Variants in FSTL5 observed in about 807,000 individuals in gnomAD.
FSTL5 encodes follistatin-related protein 5.
A neutral mutation model predicts 89.1 loss-of-function variants in FSTL5; 62 were observed. The ratio of observed to expected loss-of-function variants is 0.70; its 90% CI spans 0.57 to 0.86. The LOEUF (loss-of-function observed/expected upper bound fraction) is 0.86, where lower values mean the gene tolerates loss of function less well. FSTL5 is among the 40% of genes least tolerant of loss of function. The pLI, the probability that FSTL5 is intolerant of heterozygous loss-of-function variation, is 0.00. For synonymous variants in FSTL5, 383 were observed against 346.2 expected (o/e 1.11, Z -1.18); for missense variants, 1,057 against 1,001.6 (o/e 1.06, Z -0.75).
chr4:162,140,422 GA>G (rs1561041056), intron 1 of FSTL5, among the ~76,000 whole-genome samples: 1 of 145,896 alleles, frequency 6.9e-6, no homozygotes, highest in East Asian at 2.0e-4. Flanking sequence ...TTTAACTATT[GA>G]ATCTTTACAA....
chr4:161,465,369 A>G (rs939982566), intron 13 of FSTL5, among the ~76,000 whole-genome samples: 6 of 152,178 alleles, frequency 3.9e-5, no homozygotes, highest in South Asian at 4.1e-4. Flanking sequence ...TTATTCAGGA[A>G]TATATAATTA....
At chr4:161,906,495 A>G (rs1345465850) in intron 4 of FSTL5, among the ~76,000 whole-genome samples, 1 of 152,136 alleles carries the variant, frequency 6.6e-6, no homozygotes, top group Non-Finnish European at 1.5e-5. Flanking sequence ...AGGAGTCAGT[A>G]GATTTGGCTA....
chr4:161,966,383 T>G (rs1014742274), intron 3 of FSTL5, among the ~76,000 whole-genome samples: 1 of 152,084 alleles, frequency 6.6e-6, no homozygotes, highest in Non-Finnish European at 1.5e-5. Flanking sequence ...GTGAGACATT[T>G]TCATGGACAC....
At chr4:161,482,212 AG>A (rs1729534097) in intron 12 of FSTL5, among the ~76,000 whole-genome samples, 1 of 152,142 alleles carries the variant, frequency 6.6e-6, no homozygotes, top group Non-Finnish European at 1.5e-5. Context: ...GTTACTTGGG[AG>A]GCCGAGGCAG....
At chr4:161,610,805 G>A (rs1734606371) in intron 7 of FSTL5, among the ~76,000 whole-genome samples, 1 of 151,860 alleles carries the variant, frequency 6.6e-6, no homozygotes, top group Non-Finnish European at 1.5e-5. Flanking sequence ...TTTGGTTGTA[G>A]ATGAAGTTTT....
At chr4:161,883,072 T>G (rs1349357358) in intron 4 of FSTL5, among the ~76,000 whole-genome samples, 1 of 152,198 alleles carries the variant, frequency 6.6e-6, no homozygotes, top group Non-Finnish European at 1.5e-5. Flanking sequence ...AAGATATGTT[T>G]AGGATGTTTG....
chr4:161,682,377 A>T (rs1414849606), intron 6 of FSTL5, among the ~76,000 whole-genome samples: 1 of 152,208 alleles, frequency 6.6e-6, no homozygotes, highest in Non-Finnish European at 1.5e-5. Flanking sequence ...GAACTTTTAA[A>T]TTTTTTAAAA....
intron 3 of FSTL5, among the ~76,000 whole-genome samples, chr4:161,987,911 C>A (rs1471204323): frequency 6.6e-6 from 1 of 151,626 alleles, no homozygotes; most frequent in African/African-American, 2.4e-5. Flanking sequence ...TAGGTTTTAT[C>A]TTAGTCCAAC....
Position 161,970,390 on chromosome 4 carries a change from C to T in FSTL5, c.161-49738G>A, listed in dbSNP as rs547139684. On this transcript the variant is annotated intron_variant, in intron 3 of 15. Coordinates refer to ENST00000306100, the MANE Select transcript of FSTL5 (RefSeq NM_020116.5). ...TTGATTCTGAATATCAGTAAGAGTTCAGGTCTAGGATGAAAAGAGCTATGG... is the reference window on the plus strand; with the variant it reads ...TTGATTCTGAATATCAGTAAGAGTTTAGGTCTAGGATGAAAAGAGCTATGG... Among the ~76,000 whole-genome samples the T allele has an allele frequency of 3.9e-5, 6 of 152,088 alleles. No individual in the cohort carries two copies. In the South Asian group the frequency reaches 1.2e-3, roughly 32 times the overall value.
intron 15 of FSTL5, among the ~76,000 whole-genome samples, chr4:161,398,959 T>C: frequency 6.6e-6 from 1 of 152,066 alleles, no homozygotes; most frequent in East Asian, 1.9e-4. Context: ...AAATGACAAA[T>C]GATATAGCCA....
chr4:161,740,338 C>T (rs1334817327), intron 6 of FSTL5, among the ~76,000 whole-genome samples: 2 of 151,784 alleles, frequency 1.3e-5, no homozygotes, highest in African/African-American at 4.9e-5. Flanking sequence ...TATAGTATCG[C>T]TTTTAGTATT....
At chr4:161,933,024 T>C (rs954202195) in intron 3 of FSTL5, among the ~76,000 whole-genome samples, 2 of 152,140 alleles carry the variant, frequency 1.3e-5, no homozygotes, top group Non-Finnish European at 1.5e-5. Context: ...AGTTTGCGTA[T>C]GATAATCTTC....
intron 2 of FSTL5, among the ~76,000 whole-genome samples, chr4:162,095,837 G>A (rs1730728297): frequency 6.6e-6 from 1 of 151,942 alleles, no homozygotes; most frequent in Non-Finnish European, 1.5e-5. Flanking sequence ...CGGTAGAAAT[G>A]TGTGTACTTA....
intron 8 of FSTL5, among the ~76,000 whole-genome samples, chr4:161,574,461 G>A (rs571119076): frequency 2.0e-5 from 3 of 151,376 alleles, no homozygotes; most frequent in Non-Finnish European, 4.4e-5. Context: ...CCATAATCTA[G>A]GTTTTAAGCC....
intron 8 of FSTL5, among the ~76,000 whole-genome samples, chr4:161,580,226 G>C (rs1454804829): frequency 6.6e-5 from 10 of 152,160 alleles, no homozygotes; most frequent in African/African-American, 2.4e-4. Context: ...ACAGTATATA[G>C]AGGGAATTTT....
chr4:161,617,064 A>T (rs1301779665), intron 7 of FSTL5, among the ~76,000 whole-genome samples: 3 of 151,918 alleles, frequency 2.0e-5, no homozygotes, highest in Non-Finnish European at 2.9e-5. Flanking sequence ...CCTTAAATAA[A>T]GTATTACAAA....
At chr4:161,973,158 G>A (rs911936497) in intron 3 of FSTL5, among the ~76,000 whole-genome samples, 1 of 152,052 alleles carries the variant, frequency 6.6e-6, no homozygotes, top group Non-Finnish European at 1.5e-5. Flanking sequence ...TCAGTATTTG[G>A]TGAAGTGTTT....
In FSTL5 at chr4:161,996,738, A is replaced by G. The variant is rs191955796; in HGVS notation, c.160+36887T>C. On this transcript the variant is annotated intron_variant, in intron 3 of 15. Coordinates refer to ENST00000306100, the MANE Select transcript of FSTL5 (RefSeq NM_020116.5). ...AGTGGACTGTTTGATAAGTCTCCCA[A>G]CTTTATTTGCTTCCAACAGTTATTG... 1.1e-4 allele frequency among the ~76,000 whole-genome samples: 16 copies of G among 152,120 alleles called. No individual in the cohort carries two copies. In the East Asian group the frequency reaches 3.1e-3, roughly 29 times the overall value.
intron 4 of FSTL5, among the ~76,000 whole-genome samples, chr4:161,842,624 T>C (rs1463433341): frequency 1.3e-5 from 2 of 152,240 alleles, no homozygotes; most frequent in South Asian, 2.1e-4. Flanking sequence ...AAAAATAGTC[T>C]ATTTATCTTC....
Sources: gnomAD v4.1 joint callset for allele counts (sites outside exome capture counted in the v4.1 genomes callset) on GRCh38, gnomAD v4.1.1 for gene constraint, MANE v1.5 for transcripts, NCBI Gene and HGNC (gene_info 2026-07-23, HGNC 2026-07-21) for gene names.